RGS7BP: variants seen among roughly 807,000 people sequenced by gnomAD.
The protein encoded by RGS7BP is regulator of G protein signaling 7 binding protein.
RGS7BP carries 9 observed loss-of-function variants against 31.3 expected under a neutral mutation model. That is an observed-to-expected ratio of 0.29 (90% confidence interval 0.17 to 0.50). The LOEUF (loss-of-function observed/expected upper bound fraction) is 0.50. RGS7BP is among the 20% of genes least tolerant of loss of function. The pLI, the probability that RGS7BP is intolerant of heterozygous loss-of-function variation, is 0.98. For missense variants in RGS7BP, 274 were observed against 322.0 expected (o/e 0.85, Z 1.14); for synonymous variants, 115 against 120.1 (o/e 0.96, Z 0.28).
At chr5:64,515,706 A>G (rs1748953260) in intron 2 of RGS7BP, among the ~76,000 whole-genome samples, 2 of 139,568 alleles carry the variant, frequency 1.4e-5, no homozygotes, top group African/African-American at 5.2e-5. Flanking sequence ...ACTTGCCTAT[A>G]TGCATACACA....
At chr5:64,516,419 C>T (rs531930563) in intron 2 of RGS7BP, among the ~76,000 whole-genome samples, 1 of 152,124 alleles carries the variant, frequency 6.6e-6, no homozygotes, top group South Asian at 2.1e-4. Context: ...CAGATGTATC[C>T]CCTCAGGCCA....
chr5:64,507,583 G>T, intron 1 of RGS7BP, 128 bp from the exon 2 acceptor site: 1 of 757,950 alleles, frequency 1.3e-6, no homozygotes, highest in Non-Finnish European at 2.1e-6. Flanking sequence ...CAATTCCTAG[G>T]TTCCTTAGCT....
chr5:64,572,519 A>G (rs1313296900), intron 2 of RGS7BP, among the ~76,000 whole-genome samples: 1 of 152,182 alleles, frequency 6.6e-6, no homozygotes, highest in Non-Finnish European at 1.5e-5. Flanking sequence ...AAGATACCTT[A>G]GCTTTTCCAC....
intron 5 of RGS7BP, among the ~76,000 whole-genome samples, chr5:64,608,140 A>ACCATTG (rs1743411801): frequency 6.6e-6 from 1 of 152,018 alleles, no homozygotes; most frequent in Admixed American, 6.6e-5. Context: ...ACCAATGCCA[A>ACCATTG]CCATCTTGTT....
intron 5 of RGS7BP, 33 bp from the exon 6 acceptor site, chr5:64,609,128 C>G (rs376345868): frequency 7.3e-7 from 1 of 1,364,418 alleles, no homozygotes; most frequent in Non-Finnish European, 1.0e-6. Flanking sequence ...TGTGTCTATA[C>G]CTCACTTATG....
rs1561355300 is a variant in RGS7BP at position 64,612,199 on chromosome 5, A to G, written c.*2947A>G. ...CACCACGACCACATTGTTTAAAACC[A>G]CATTTCTGGGTTTTAAATCAGTCAG... On this transcript the variant is annotated 3_prime_UTR_variant, in exon 6 of 6. Coordinates refer to ENST00000334025, the MANE Select transcript of RGS7BP (RefSeq NM_001029875.3). 1 of 152,236 alleles carries G rather than the reference A, an allele frequency of 6.6e-6. No individual in the cohort carries two copies. The highest frequency in any genetic ancestry group is 1.5e-5 in the Non-Finnish European group (1 of 67,852). 9.4% of individuals were successfully genotyped at this position (152,236 alleles called of 1,614,324 possible). A position where few individuals can be genotyped will look rare whatever the true frequency, so the allele number is the denominator to read the frequency against.
At chr5:64,560,339 T>G (rs529197071) in intron 2 of RGS7BP, among the ~76,000 whole-genome samples, 1 of 152,178 alleles carries the variant, frequency 6.6e-6, no homozygotes, top group Non-Finnish European at 1.5e-5. Context: ...ACTCTAGGGA[T>G]AGAGCCCTGC....
At chr5:64,513,060 A>G (rs2111878506) in intron 2 of RGS7BP, among the ~76,000 whole-genome samples, 1 of 152,348 alleles carries the variant, frequency 6.6e-6, no homozygotes, top group African/African-American at 2.4e-5. Flanking sequence ...ACATTAATTC[A>G]TAGAGAATCA....
intron 3 of RGS7BP, among the ~76,000 whole-genome samples, chr5:64,579,155 A>G (rs1580449899): frequency 6.6e-6 from 1 of 152,168 alleles, no homozygotes; most frequent in Non-Finnish European, 1.5e-5. Flanking sequence ...TCTTGGTACC[A>G]GTAGAGTTAA....
At chr5:64,518,766 G>C (rs992996039) in intron 2 of RGS7BP, among the ~76,000 whole-genome samples, 1 of 152,066 alleles carries the variant, frequency 6.6e-6, no homozygotes, top group African/African-American at 2.4e-5. Flanking sequence ...GCAAACATTG[G>C]TTCATGATTG....
intron 3 of RGS7BP, among the ~76,000 whole-genome samples, chr5:64,583,941 G>T (rs1223127659): frequency 6.6e-6 from 1 of 152,102 alleles, no homozygotes; most frequent in East Asian, 1.9e-4. Context: ...CCTTCTACTT[G>T]CCAGGTGCAT....
At chr5:64,609,116 G>T (rs1412584345) in intron 5 of RGS7BP, 45 bp from the exon 6 acceptor site, 1 of 1,232,658 alleles carries the variant, frequency 8.1e-7, no homozygotes, top group Non-Finnish European at 1.2e-6. Context: ...AAAGCAGGTT[G>T]TTGTGTCTAT....
At position 64,569,694 on chromosome 5, in the gene RGS7BP, T is replaced by C. The variant is rs529806540; in HGVS notation, c.333-6080T>C. On this transcript the variant is annotated intron_variant, in intron 2 of 5. Transcript: ENST00000334025. ...CTGAAGTCATATGAAGACTAAGCAC[T>C]GAAGCTGTCACTGAGGTTGGCACTG... 2.0e-5 allele frequency among the ~76,000 whole-genome samples: 3 copies of C among 152,306 alleles called. No individual in the cohort carries two copies. In the East Asian group the frequency reaches 5.8e-4, roughly 29 times the overall value.
rs78518819 is a variant in RGS7BP, at chr5:64,509,926, A to G, written c.332+2049A>G. 5.9e-3 allele frequency among the ~76,000 whole-genome samples: 898 copies of G among 152,308 alleles called. 24 individuals are homozygous for G. The East Asian group carries it at 0.084, about 14-fold the overall frequency. On this transcript the variant is annotated intron_variant, in intron 2 of 5. Transcript: ENST00000334025. ...ATTCGTTATAAAAAATGACAGCAAT[A>G]TAATTGAAGGAAATCCCTTTAGTTC...
chr5:64,515,270 T>G (rs1227269935), intron 2 of RGS7BP, among the ~76,000 whole-genome samples: 4 of 152,218 alleles, frequency 2.6e-5, no homozygotes, highest in African/African-American at 9.6e-5. Context: ...ATTATTATTT[T>G]CTGTTTTTAA....
At chr5:64,509,642 T>C (rs1748781314) in intron 2 of RGS7BP, among the ~76,000 whole-genome samples, 1 of 152,126 alleles carries the variant, frequency 6.6e-6, no homozygotes, top group African/African-American at 2.4e-5. Context: ...CGCCTCAGGC[T>C]CCAGAGTAGC....
At chr5:64,541,001 G>T (rs919681035) in intron 2 of RGS7BP, among the ~76,000 whole-genome samples, 11 of 152,182 alleles carry the variant, frequency 7.2e-5, no homozygotes, top group Non-Finnish European at 5.9e-5. Flanking sequence ...TTTGGTGGGT[G>T]TGTTGGTCCA....
At chr5:64,588,974 A>G (rs115047908) in intron 3 of RGS7BP, among the ~76,000 whole-genome samples, 4,637 of 152,262 alleles carry the variant, frequency 0.03, 236 homozygotes, top group African/African-American at 0.1. Flanking sequence ...GAGTATCTCA[A>G]TGAATCGCTT....
At chr5:64,566,250 T>C (rs1742165993) in intron 2 of RGS7BP, among the ~76,000 whole-genome samples, 1 of 151,906 alleles carries the variant, frequency 6.6e-6, no homozygotes, top group Non-Finnish European at 1.5e-5. Context: ...GCTGATGTGA[T>C]ACCCTGGTTC....
Sources: gnomAD v4.1 joint callset for allele counts (sites outside exome capture counted in the v4.1 genomes callset) on GRCh38, gnomAD v4.1.1 for gene constraint, MANE v1.5 for transcripts, NCBI Gene and HGNC (gene_info 2026-07-23, HGNC 2026-07-21) for gene names.